Variants in ERBB4 observed in about 807,000 individuals in gnomAD.
ERBB4 encodes the protein receptor tyrosine-protein kinase erbB-4.
A neutral mutation model predicts 158.0 loss-of-function variants in ERBB4; 42 were observed. That is an observed-to-expected ratio of 0.27 (90% confidence interval 0.21 to 0.34). ERBB4 has a LOEUF of 0.34. Among genes scored for constraint, ERBB4 ranks in the 10% least tolerant of loss-of-function variants. ERBB4 has a pLI of 1.00. For missense variants in ERBB4, 1,333 were observed against 1,624.1 expected, an observed-to-expected ratio of 0.82 and a Z score of 3.08; for synonymous variants, 583 against 558.7, an observed-to-expected ratio of 1.04 and a Z score of -0.61.
chr2:211,628,850 A>G (rs1402319034), intron 17 of ERBB4, among the ~76,000 whole-genome samples: 1 of 152,100 alleles, frequency 6.6e-6, no homozygotes, highest in Non-Finnish European at 1.5e-5. Context: ...TGACTTTTTA[A>G]TGATCGCCAT....
rs5838309 is a variant in ERBB4, at chr2:212,206,589, C to CTT, written c.83-81688_83-81687dup. Among the ~76,000 whole-genome samples the CTT allele has an allele frequency of 1.7e-3, 198 of 116,436 alleles. 16 individuals are homozygous for CTT. The highest frequency in any genetic ancestry group is 9.4e-3 in the Admixed American group (117 of 12,492). 76.4% of individuals were successfully genotyped at this position (116,436 alleles called of 152,430 possible). On this transcript the variant is annotated intron_variant, in intron 1 of 27. Transcript: ENST00000342788. ...ATGAACTGTCTCCGTCTGTTCTGTT[C>CTT]TTTTTTTTTTTTTTTTGAGACGGAG...
intron 1 of ERBB4, among the ~76,000 whole-genome samples, chr2:212,485,531 G>A (rs988650526): frequency 6.6e-6 from 1 of 152,188 alleles, no homozygotes; most frequent in Non-Finnish European, 1.5e-5. Context: ...GACAGCAGCA[G>A]TAAGTGAAGA....
intron 25 of ERBB4, among the ~76,000 whole-genome samples, chr2:211,409,694 A>G (rs1484916267): frequency 6.6e-6 from 1 of 152,154 alleles, no homozygotes; most frequent in African/African-American, 2.4e-5. Flanking sequence ...TTAAAGTCAA[A>G]ATCAAGATTT....
chr2:211,909,267 A>G (rs1022831699), intron 3 of ERBB4, among the ~76,000 whole-genome samples: 1 of 151,736 alleles, frequency 6.6e-6, no homozygotes, highest in African/African-American at 2.4e-5. Flanking sequence ...GGATTTATGT[A>G]TTCAATTGCT....
intron 16 of ERBB4, among the ~76,000 whole-genome samples, chr2:211,644,359 G>C (rs1457110063): frequency 6.6e-6 from 1 of 151,742 alleles, no homozygotes; most frequent in Non-Finnish European, 1.5e-5. Context: ...TCTAATTATG[G>C]GGAAACCCAT....
At position 211,420,459 on chromosome 2, in the gene ERBB4, T is replaced by C; in HGVS notation, c.3117A>G (p.Ala1039=). 6.2e-7 allele frequency: 1 copy of C among 1,611,770 alleles called. No homozygotes were observed. The highest frequency in any genetic ancestry group is 8.5e-7 in the Non-Finnish European group (1 of 1,178,210). The stretch of plus-strand genomic sequence containing the variant: ...TTCTTACCCTATTCGAGTCAATTCT[T>C]GCTCTGGAAGTATAGATGGGAGGTG... ...NIPPPIYTSR[A]RIDSNRSEIG... Residue 1039 remains alanine, a synonymous_variant, in exon 25 of 28, where the codon GCA becomes GCG. Transcript: ENST00000342788.
At chr2:211,735,283 G>A (rs897087770) in intron 5 of ERBB4, among the ~76,000 whole-genome samples, 1 of 151,954 alleles carries the variant, frequency 6.6e-6, no homozygotes, top group Non-Finnish European at 1.5e-5. Context: ...TTATCCCAGT[G>A]TTACAGATGA....
chr2:211,587,613 C>G (rs957719993), intron 19 of ERBB4, among the ~76,000 whole-genome samples: 2 of 151,554 alleles, frequency 1.3e-5, no homozygotes, highest in Non-Finnish European at 2.9e-5. Context: ...GTTTCCAGAA[C>G]TGTGAGAATA....
chr2:212,139,419 T>C (rs2080372598), intron 1 of ERBB4, among the ~76,000 whole-genome samples: 1 of 152,032 alleles, frequency 6.6e-6, no homozygotes, highest in Non-Finnish European at 1.5e-5. Flanking sequence ...ATTTATTTTA[T>C]CTTAGACAAT....
intron 3 of ERBB4, among the ~76,000 whole-genome samples, chr2:211,797,432 CT>C (rs1035658733): frequency 6.6e-6 from 1 of 151,800 alleles, no homozygotes; most frequent in African/African-American, 2.4e-5. Context: ...TACACTATTT[CT>C]TTTTTAGAAT....
chr2:212,055,609 T>C (rs4672633), intron 2 of ERBB4, among the ~76,000 whole-genome samples: 89,396 of 152,148 alleles, frequency 0.59, 29,618 homozygotes, highest in East Asian at 0.93. Context: ...GCAGCAACGT[T>C]TGCTGTTCAG....
intron 1 of ERBB4, among the ~76,000 whole-genome samples, chr2:212,422,297 T>C (rs2091810810): frequency 6.6e-6 from 1 of 152,022 alleles, no homozygotes; most frequent in African/African-American, 2.4e-5. Context: ...TGGAGGTCAG[T>C]AGCTCGAGAC....
intron 20 of ERBB4, among the ~76,000 whole-genome samples, chr2:211,549,956 A>G (rs916321517): frequency 6.6e-6 from 1 of 152,158 alleles, no homozygotes; most frequent in African/African-American, 2.4e-5. Flanking sequence ...TACATGATAA[A>G]GTGGAACTTC....
In ERBB4 at chr2:211,725,038, G is replaced by T. The variant is rs771268504; in HGVS notation, c.741+38C>A. 3 of 1,356,404 alleles carry T rather than the reference G, an allele frequency of 2.2e-6. No homozygotes were observed. In the African/African-American group the frequency reaches 4.3e-5, roughly 19 times the overall value. The allele number at this position is 1,356,404 out of a possible 1,614,324, so 84.0% of individuals were successfully genotyped here. A position where few individuals can be genotyped will look rare whatever the true frequency, so the allele number is the denominator to read the frequency against. On this transcript the variant is annotated intron_variant, in intron 6 of 27. Transcript: ENST00000342788. ...GCCTGAATCAAATAGGGAAGGAAAG[G>T]AGAGCAGGATAATAAAAGAGAGAAA... is the stretch of plus-strand genomic sequence containing the variant.
At position 211,679,176 on chromosome 2, in the gene ERBB4, C is replaced by T; in HGVS notation, c.1498G>A (p.Gly500Arg). The T allele has an allele frequency of 6.2e-7, 1 of 1,613,758 alleles. No individual in the cohort carries two copies. Among genetic ancestry groups the T allele is most frequent in the African/African-American group, 1.3e-5 (1 of 75,010 alleles). Reference sequence around the variant, plus strand: ...GAACACAGATGGTTGCACACCATTCCTTCAGCAGCTGTGAAACACCAAAAT... The same window carrying T: ...GAACACAGATGGTTGCACACCATTCTTTCAGCAGCTGTGAAACACCAAAAT... Reference protein sequence around the residue: ...NRKAENCTAEGMVCNHLCSSD... With the variant: ...NRKAENCTAERMVCNHLCSSD... The change falls in exon 13 of 28, where the codon GGA (glycine) becomes AGA (arginine). Residue 500 changes from glycine to arginine, a missense_variant. Gly to Arg is a moderately radical substitution (Grantham distance 125, BLOSUM62 -2). This residue lies in a region of ERBB4 where 245 missense variants were observed against 247.5 expected (regional missense o/e 0.99). Coordinates refer to ENST00000342788, the MANE Select transcript of ERBB4 (RefSeq NM_005235.3).
At chr2:211,465,414 T>C (rs2064655624) in intron 20 of ERBB4, among the ~76,000 whole-genome samples, 1 of 152,060 alleles carries the variant, frequency 6.6e-6, no homozygotes, top group Admixed American at 6.6e-5. Flanking sequence ...CAACAGAAAA[T>C]TGAAATCCCT....
At chr2:211,691,649 C>T (rs556775636) in intron 12 of ERBB4, among the ~76,000 whole-genome samples, 2 of 150,080 alleles carry the variant, frequency 1.3e-5, no homozygotes, top group East Asian at 3.9e-4. Flanking sequence ...CAGCAGTTGT[C>T]TTAACTTAGT....
At chr2:211,885,444 C>T (rs1022221750) in intron 3 of ERBB4, among the ~76,000 whole-genome samples, 1 of 151,746 alleles carries the variant, frequency 6.6e-6, no homozygotes, top group East Asian at 1.9e-4. Context: ...AATAGAGAAA[C>T]AACTGCTATA....
intron 3 of ERBB4, among the ~76,000 whole-genome samples, chr2:211,842,525 C>T (rs186574588): frequency 4.1e-3 from 590 of 145,352 alleles, no homozygotes; most frequent in African/African-American, 0.014. Flanking sequence ...ACCTATATTG[C>T]AAACATAATG....
Sources: allele counts gnomAD v4.1 joint callset (sites outside exome capture counted in the v4.1 genomes callset), GRCh38; gene constraint gnomAD v4.1.1; regional missense constraint gnomAD v4.1.1; transcripts MANE v1.5; gene names NCBI Gene and HGNC (gene_info 2026-07-23, HGNC 2026-07-21).